The following ACBD5 variants were observed in gnomAD, a reference collection of about 807,000 sequenced individuals.
The protein encoded by ACBD5 is acyl-CoA-binding domain-containing protein 5.
In ACBD5, 40 loss-of-function variants were observed where a neutral mutation model predicts 71.8. The ratio of observed to expected loss-of-function variants is 0.56; its 90% confidence interval spans 0.43 to 0.72. ACBD5 has a LOEUF of 0.72. Ranked by LOEUF, ACBD5 falls within the 30% of genes least tolerant of loss-of-function variation. ACBD5 has a pLI of 0.00. For synonymous variants in ACBD5, 229 were observed against 218.6 expected (o/e 1.05, Z -0.42); for missense variants, 559 against 644.5 (o/e 0.87, Z 1.44).
upstream of ACBD5, among the ~76,000 whole-genome samples, chr10:27,241,087 G>T (rs1589443761): frequency 6.6e-6 from 1 of 152,256 alleles, no homozygotes; most frequent in Non-Finnish European, 1.5e-5. Flanking sequence ...TGCGCGCTGG[G>T]GATGCGCGGT....
chr10:27,208,126 TTCTATTTTC>T (rs2060662132), intron 10 of ACBD5, 111 bp downstream of exon 10: 2 of 1,056,056 alleles, frequency 1.9e-6, no homozygotes, highest in Non-Finnish European at 2.9e-6. Context: ...CAAAACCAAG[TTCTATTTTC>T]TAAAAAAATC....
At chr10:27,183,848 A>C (rs1235391994) in intron 13 of ACBD5, among the ~76,000 whole-genome samples, 1 of 152,046 alleles carries the variant, frequency 6.6e-6, no homozygotes, top group Non-Finnish European at 1.5e-5. Flanking sequence ...AGTAGCTGGT[A>C]CTACTGGTGC....
intron 2 of ACBD5, among the ~76,000 whole-genome samples, chr10:27,236,441 G>A (rs949542122): frequency 1.3e-5 from 2 of 152,040 alleles, no homozygotes; most frequent in Non-Finnish European, 2.9e-5. Flanking sequence ...GACTATCTCT[G>A]AATAGTAAGT....
intron 13 of ACBD5, among the ~76,000 whole-genome samples, chr10:27,189,507 C>T (rs2058971189): frequency 6.6e-6 from 1 of 151,334 alleles, no homozygotes; most frequent in Non-Finnish European, 1.5e-5. Flanking sequence ...TCATTCTCAG[C>T]AAACTATCGC....
intron 5 of ACBD5, among the ~76,000 whole-genome samples, chr10:27,222,221 C>T (rs1052085531): frequency 1.3e-5 from 2 of 151,848 alleles, no homozygotes; most frequent in Non-Finnish European, 2.9e-5. Context: ...GGATGCCAGG[C>T]GATTTTTATT....
chr10:27,242,079 C>A (rs1258352305), upstream of ACBD5: 1 of 453,400 alleles, frequency 2.2e-6, no homozygotes, highest in Admixed American at 2.4e-5. Flanking sequence ...CCGGACAAGG[C>A]CTGTCCGGTA....
At chr10:27,228,351 A>C (rs1027093827) in intron 4 of ACBD5, among the ~76,000 whole-genome samples, 2 of 151,620 alleles carry the variant, frequency 1.3e-5, no homozygotes, top group African/African-American at 4.8e-5. Context: ...CGAAGTGGGA[A>C]GATCACGAGG....
rs1158923541 is a variant in ACBD5, at chr10:27,206,736, G to A, written c.1405-1488C>T. Among the ~76,000 whole-genome samples the A allele has an allele frequency of 2.0e-5, 3 of 151,738 alleles. No individual in the cohort carries two copies. The South Asian group carries it at 6.2e-4, about 31-fold the overall frequency. On this transcript the variant is annotated intron_variant, in intron 10 of 12. Coordinates refer to ENST00000396271, the MANE Select transcript of ACBD5 (RefSeq NM_145698.5). The stretch of plus-strand genomic sequence containing the variant: ...TCACCATGCTGGCCAGGCTGGTATC[G>A]AACTCCTGGCCTCAAGTGATCCACT...
At chr10:27,212,579 CTTT>C (rs398045942) in intron 8 of ACBD5, among the ~76,000 whole-genome samples, 5 of 132,664 alleles carry the variant, frequency 3.8e-5, no homozygotes, top group South Asian at 2.4e-4. Flanking sequence ...ATTTATGCTG[CTTT>C]TTTTTTTTTT....
chr10:27,192,595 G>A (rs575762839), downstream of ACBD5, among the ~76,000 whole-genome samples: 1 of 151,766 alleles, frequency 6.6e-6, no homozygotes, highest in South Asian at 2.1e-4. Context: ...AAGAGGGGAG[G>A]GGACAGAAGA....
intron 13 of ACBD5, chr10:27,186,978 T>C (rs1375177963): frequency 4.2e-6 from 1 of 238,232 alleles, no homozygotes; most frequent in Non-Finnish European, 8.3e-6. Flanking sequence ...TTGAGGGCAA[T>C]CATTTAAGGC....
chr10:27,183,269 TTTGTTGTTGTTGTTG>T (rs4018758), intron 13 of ACBD5, among the ~76,000 whole-genome samples: 5 of 150,184 alleles, frequency 3.3e-5, no homozygotes, highest in South Asian at 2.1e-4. Context: ...TTAAAATTCT[TTTGTTGTTGTTGTTG>T]TTGTTGTTGT....
intron 4 of ACBD5, among the ~76,000 whole-genome samples, chr10:27,228,449 C>T (rs1389675324): frequency 6.6e-6 from 1 of 151,626 alleles, no homozygotes; most frequent in African/African-American, 2.4e-5. Flanking sequence ...TGGTGGTTTG[C>T]GCCTGTAATC....
At chr10:27,224,107 AATCCC>A (rs1284467750) in intron 4 of ACBD5, among the ~76,000 whole-genome samples, 1 of 151,704 alleles carries the variant, frequency 6.6e-6, no homozygotes, top group African/African-American at 2.4e-5. Flanking sequence ...TCACACCTGT[AATCCC>A]AGCACTTTGG....
At chr10:27,222,511 G>A (rs2137596486) in intron 5 of ACBD5, among the ~76,000 whole-genome samples, 1 of 151,802 alleles carries the variant, frequency 6.6e-6, no homozygotes, top group African/African-American at 2.4e-5. Flanking sequence ...TCTTGCATTA[G>A]CTTATATGCT....
intron 10 of ACBD5, among the ~76,000 whole-genome samples, chr10:27,206,386 G>A (rs1295725304): frequency 1.3e-5 from 2 of 151,826 alleles, no homozygotes; most frequent in Non-Finnish European, 2.9e-5. Flanking sequence ...GGAGGCTGAG[G>A]TGGGCTGATT....
At position 27,235,107 on chromosome 10, in the gene ACBD5, A is replaced by G. The variant is rs767839534; in HGVS notation, c.287T>C (p.Ile96Thr). ...KLSRPGFWDPIGRYKWDAWSS... is the reference protein window; with the variant it reads ...KLSRPGFWDPTGRYKWDAWSS... ...AAAAAATTACCATTTATATCTTCCAATAGGATCCCAAAATCCAGGCCTTGA... is the reference window on the plus strand; with the variant it reads ...AAAAAATTACCATTTATATCTTCCAGTAGGATCCCAAAATCCAGGCCTTGA... Residue 96 changes from isoleucine to threonine, a missense_variant, in exon 3 of 13, where the codon ATT (isoleucine) becomes ACT (threonine). Coordinates refer to ENST00000396271, the MANE Select transcript of ACBD5 (RefSeq NM_145698.5). The G allele has an allele frequency of 1.4e-5, 23 of 1,613,862 alleles. No homozygotes were observed. Among genetic ancestry groups the G allele is most frequent in the Non-Finnish European group, 1.7e-5 (20 of 1,179,924 alleles).
chr10:27,205,298 G>GTAAT (rs766889058), intron 10 of ACBD5, 50 bp from the exon 11 acceptor site: 23 of 1,548,436 alleles, frequency 1.5e-5, no homozygotes, highest in Non-Finnish European at 2.0e-5. Context: ...GAAAAACACA[G>GTAAT]TAATTATTCT....
intron 12 of ACBD5, among the ~76,000 whole-genome samples, chr10:27,202,814 A>G (rs2060057139): frequency 6.6e-6 from 1 of 152,128 alleles, no homozygotes; most frequent in Non-Finnish European, 1.5e-5. Context: ...TATATCCAGC[A>G]TTACTACATA....
Sources: allele counts gnomAD v4.1 joint callset (sites outside exome capture counted in the v4.1 genomes callset), GRCh38; gene constraint gnomAD v4.1.1; transcripts MANE v1.5; gene names NCBI Gene and HGNC (gene_info 2026-07-23, HGNC 2026-07-21).